Variants in UPRT observed in about 807,000 individuals in gnomAD.
UPRT encodes the protein uracil phosphoribosyltransferase homolog.
A neutral mutation model predicts 22.6 loss-of-function variants in UPRT; 5 were observed. The observed-to-expected ratio is 0.22, with a 90% CI of 0.12 to 0.47. The LOEUF is 0.47. UPRT is among the 20% of genes least tolerant of loss of function. The probability of loss-of-function intolerance (pLI) is 0.99; values close to 1 mark genes in which losing one functional copy is unlikely to be tolerated. For missense variants in UPRT, 181 were observed against 239.9 expected, an observed-to-expected ratio of 0.75 and a Z score of 1.62; for synonymous variants, 77 against 87.7, an observed-to-expected ratio of 0.88 and a Z score of 0.68.
chrX:75,160,231 G>A lies in UPRT; in HGVS notation c.-736-319G>A, dbSNP rs773300856. On this transcript the variant is annotated intron_variant, in intron 1 of 13. Coordinates refer to the UPRT transcript ENST00000652605. The stretch of plus-strand genomic sequence containing the variant: ...ATAAATAGGTTTGATTTTCCTCTTC[G>A]TTTTCTAACCTCTAGACATTTCCTT... 4.5e-5 allele frequency among the ~76,000 whole-genome samples: 5 copies of A among 111,489 alleles called. No homozygotes were observed. The South Asian group carries it at 1.5e-3, about 33-fold the overall frequency.
At chrX:75,225,959 C>T (rs2082422895) in intron 4 of UPRT, among the ~76,000 whole-genome samples, 1 of 111,623 alleles carries the variant, frequency 9.0e-6, no homozygotes, top group African/African-American at 3.3e-5. Context: ...GCATCTCAAA[C>T]TTAACATGTC....
chrX:75,270,953 T>A (rs1048309835), upstream of UPRT, among the ~76,000 whole-genome samples: 3 of 110,501 alleles, frequency 2.7e-5, no homozygotes, highest in Non-Finnish European at 5.7e-5. Context: ...TAGGAATATA[T>A]CTAAACAAGA....
At chrX:75,184,406 A>G (rs1235533512) in intron 4 of UPRT, among the ~76,000 whole-genome samples, 5 of 105,936 alleles carry the variant, frequency 4.7e-5, no homozygotes, top group African/African-American at 1.7e-4. Flanking sequence ...TACCAGTACC[A>G]TGCTGTTTTG....
intron 4 of UPRT, among the ~76,000 whole-genome samples, chrX:75,185,566 C>A (rs1009491932): frequency 4.5e-5 from 5 of 111,932 alleles, no homozygotes; most frequent in African/African-American, 1.6e-4. Flanking sequence ...CCCTGTTTTT[C>A]TATTGATTGG....
intron 4 of UPRT, among the ~76,000 whole-genome samples, chrX:75,241,509 G>A (rs2082488460): frequency 9.0e-6 from 1 of 111,655 alleles, no homozygotes; most frequent in African/African-American, 3.3e-5. Flanking sequence ...ATGGAAAACA[G>A]TATGGAGATT....
chrX:75,261,677 C>T (rs181906940), intron 4 of UPRT, among the ~76,000 whole-genome samples: 194 of 111,724 alleles, frequency 1.7e-3, no homozygotes, highest in African/African-American at 6.0e-3. Context: ...TTTTATGAGG[C>T]CAACATCATC....
At chrX:75,300,290 C>A (rs374730805) in intron 5 of UPRT, among the ~76,000 whole-genome samples, 14 of 111,585 alleles carry the variant, frequency 1.3e-4, no homozygotes, top group African/African-American at 4.6e-4. Context: ...CTTACTCAGA[C>A]CACACTTGGC....
chrX:75,194,242 G>A (rs989541008), intron 4 of UPRT, among the ~76,000 whole-genome samples: 3 of 111,917 alleles, frequency 2.7e-5, no homozygotes, highest in African/African-American at 9.8e-5. Flanking sequence ...CTCAGCTCAG[G>A]ATTCCTGAAT....
intron 4 of UPRT, among the ~76,000 whole-genome samples, chrX:75,218,275 A>G (rs1280604263): frequency 9.0e-6 from 1 of 111,316 alleles, no homozygotes; most frequent in Non-Finnish European, 1.9e-5. Flanking sequence ...CAGCCAAAAA[A>G]CACATGAAAA....
chrX:75,223,555 G>A (rs750068369), intron 4 of UPRT, among the ~76,000 whole-genome samples: 182 of 111,506 alleles, frequency 1.6e-3, no homozygotes, highest in Non-Finnish European at 3.1e-3. Context: ...TGGCTGGAAC[G>A]TCTGTAAATG....
Position 75,239,581 on chromosome X carries a change from T to A in UPRT, c.-446-51443T>A, listed in dbSNP as rs143054046. On this transcript the variant is annotated intron_variant, in intron 4 of 13. Transcript: ENST00000652605. ...TTCCAAAGGATAGAGAAAGAGGGAA[T>A]CCTCCCTAAATCATTTTATGAAGCC... Among the ~76,000 whole-genome samples, 40 of 110,885 alleles carry A rather than the reference T, an allele frequency of 3.6e-4. 1 individual carries two copies. The East Asian group carries it at 0.011, about 32-fold the overall frequency.
intron 4 of UPRT, among the ~76,000 whole-genome samples, chrX:75,260,473 C>A (rs1282871789): frequency 8.9e-6 from 1 of 112,151 alleles, no homozygotes; most frequent in African/African-American, 3.2e-5. Flanking sequence ...ATAAAACAGA[C>A]TTTAAACCAA....
At position 75,230,002 on chromosome X, in the gene UPRT, G is replaced by C. The variant is rs762125446; in HGVS notation, c.-446-61022G>C. On this transcript the variant is annotated intron_variant, in intron 4 of 13. Transcript: ENST00000652605. ...GCCCTGCTTGCTTTCTCAGCAAGGA[G>C]GCTTGTGGCCTGGGGCAAGATCACA... Among the ~76,000 whole-genome samples the C allele has an allele frequency of 2.7e-5, 3 of 112,183 alleles. No individual in the cohort carries two copies. The South Asian group carries it at 1.1e-3, about 42-fold the overall frequency.
intron 2 of UPRT, among the ~76,000 whole-genome samples, chrX:75,161,964 T>C (rs780178930): frequency 1.2e-4 from 13 of 111,651 alleles, no homozygotes; most frequent in Non-Finnish European, 2.4e-4. Context: ...TGTGGGAATT[T>C]CGTAGGACTG....
At chrX:75,283,992 C>G (rs1410154859) in intron 1 of UPRT, among the ~76,000 whole-genome samples, 1 of 111,433 alleles carries the variant, frequency 9.0e-6, no homozygotes, top group Non-Finnish European at 1.9e-5. Flanking sequence ...TTCATATTTT[C>G]TTATTCTTTT....
rs372931406 is a variant in UPRT at position 75,284,702 on chromosome X, A to AG, written c.387-8762dup. Among the ~76,000 whole-genome samples, 97 of 107,398 alleles carry AG rather than the reference A, an allele frequency of 9.0e-4. 1 individual carries two copies. The highest frequency in any genetic ancestry group is 2.1e-3 in the African/African-American group (63 of 30,101). 93.3% of individuals were successfully genotyped at this position (107,398 alleles called of 115,157 possible). A position where few individuals can be genotyped will look rare whatever the true frequency, so the allele number is the denominator to read the frequency against. ...CAGTGCCTGTTCCAGTGGAGGTGGC[A>AG]GGGGGGGGTGCAGTGGACTCCATTA... is the stretch of plus-strand genomic sequence containing the variant. On this transcript the variant is annotated intron_variant, in intron 1 of 6. Coordinates refer to ENST00000373383, the MANE Select transcript of UPRT (RefSeq NM_145052.4).
At chrX:75,249,801 T>C (rs2082521927) in intron 4 of UPRT, among the ~76,000 whole-genome samples, 3 of 111,280 alleles carry the variant, frequency 2.7e-5, no homozygotes, top group African/African-American at 9.8e-5. Flanking sequence ...ATTGACCACA[T>C]AGTTGGAAGT....
chrX:75,169,926 A>G (rs776738194), intron 4 of UPRT, among the ~76,000 whole-genome samples: 3 of 110,991 alleles, frequency 2.7e-5, no homozygotes, highest in African/African-American at 9.8e-5. Context: ...GTCTAGTAGT[A>G]ATTGTTTTAT....
chrX:75,243,886 A>G (rs2082495809), intron 4 of UPRT, among the ~76,000 whole-genome samples: 1 of 111,779 alleles, frequency 8.9e-6, no homozygotes, highest in Admixed American at 9.5e-5. Flanking sequence ...TTTTCCTTAG[A>G]GTACTCATTG....
Sources: gnomAD v4.1 joint callset for allele counts (sites outside exome capture counted in the v4.1 genomes callset) on GRCh38, gnomAD v4.1.1 for gene constraint, MANE v1.5 for transcripts, NCBI Gene and HGNC (gene_info 2026-07-23, HGNC 2026-07-21) for gene names.